Variants in TNC observed in about 807,000 individuals in gnomAD.
TNC encodes tenascin C, also known as tenascin.
In TNC, 109 loss-of-function variants were observed where a neutral mutation model predicts 202.4. The observed-to-expected ratio is 0.54, with a 90% CI of 0.46 to 0.63. The LOEUF (loss-of-function observed/expected upper bound fraction) is 0.63, where lower values mean the gene tolerates loss of function less well. Ranked by LOEUF, TNC falls within the 30% of genes least tolerant of loss-of-function variation. TNC has a pLI of 0.00. For synonymous variants in TNC, 1,007 were observed against 1,089.7 expected (o/e 0.92, Z 1.50); for missense variants, 2,756 against 2,833.3 (o/e 0.97, Z 0.62).
At chr9:115,034,795 A>G (rs753751299) in intron 22 of TNC, among the ~76,000 whole-genome samples, 2 of 152,246 alleles carry the variant, frequency 1.3e-5, no homozygotes, top group Non-Finnish European at 2.9e-5. Context: ...CTGGATAAAA[A>G]TGGTATTAAC....
At chr9:115,102,797 T>C (rs899742673) in intron 1 of TNC, among the ~76,000 whole-genome samples, 1 of 152,236 alleles carries the variant, frequency 6.6e-6, no homozygotes, top group Non-Finnish European at 1.5e-5. Context: ...TCTGAGACAT[T>C]CATCTCTGAA....
At chr9:115,071,465 A>C (rs1833463479) in intron 10 of TNC, among the ~76,000 whole-genome samples, 1 of 152,222 alleles carries the variant, frequency 6.6e-6, no homozygotes, top group Non-Finnish European at 1.5e-5. Flanking sequence ...AATTCTAGCT[A>C]GTAAATCTCC....
chr9:115,054,500 G>A (rs1831947356), intron 15 of TNC, among the ~76,000 whole-genome samples: 2 of 152,288 alleles, frequency 1.3e-5, no homozygotes, highest in African/African-American at 4.8e-5. Flanking sequence ...TGCATGCTGG[G>A]ATTCTTCTCA....
At chr9:115,047,500 G>T (rs1156597544) in intron 16 of TNC, among the ~76,000 whole-genome samples, 1 of 152,060 alleles carries the variant, frequency 6.6e-6, no homozygotes, top group African/African-American at 2.4e-5. Flanking sequence ...GGAAAATACT[G>T]CCTGGATAAG....
At chr9:115,103,503 G>A (rs1471619729) in intron 1 of TNC, among the ~76,000 whole-genome samples, 1 of 152,036 alleles carries the variant, frequency 6.6e-6, no homozygotes, top group Non-Finnish European at 1.5e-5. Flanking sequence ...GGAAGATCTG[G>A]AGGAGAAGCT....
intron 16 of TNC, among the ~76,000 whole-genome samples, chr9:115,047,704 C>T (rs1831311356): frequency 6.6e-6 from 1 of 152,012 alleles, no homozygotes; most frequent in South Asian, 2.1e-4. Context: ...TTGACTATTC[C>T]GTTGTTAATT....
At chr9:115,070,073 C>T (rs116266667) in intron 10 of TNC, among the ~76,000 whole-genome samples, 1,998 of 152,012 alleles carry the variant, frequency 0.013, 47 homozygotes, top group African/African-American at 0.045. Context: ...TGGGATTCAG[C>T]AGTGGATGAT....
rs1487059219 is a variant in TNC at position 115,073,982 on chromosome 9, G to A, written c.2951-116C>T. 3.8e-6 allele frequency: 4 copies of A among 1,049,926 alleles called. No individual in the cohort carries two copies. The African/African-American group carries it at 4.8e-5, about 13-fold the overall frequency. The allele number at this position is 1,049,926 out of a possible 1,614,324, so 65.0% of individuals were successfully genotyped here. On this transcript the variant is annotated intron_variant, in intron 9 of 27. Coordinates refer to ENST00000350763, the MANE Select transcript of TNC (RefSeq NM_002160.4). ...CTAGGTCTGCCACAGAGGAGCTGAG[G>A]GACCACAGGAGAGTCACATCTCTGG...
chr9:115,043,736 A>AAAACAAAC (rs3035491), intron 17 of TNC, among the ~76,000 whole-genome samples: 42 of 150,802 alleles, frequency 2.8e-4, no homozygotes, highest in Admixed American at 5.3e-4. Flanking sequence ...TAACTGGGAA[A>AAAACAAAC]AAACAAACAA....
At chr9:115,022,112 G>A (rs1210620027) in intron 27 of TNC, among the ~76,000 whole-genome samples, 2 of 152,214 alleles carry the variant, frequency 1.3e-5, no homozygotes, top group East Asian at 1.9e-4. Context: ...ACCCCACATG[G>A]CCCCTTGCCC....
chr9:115,048,328 T>C lies in TNC; in HGVS notation c.4784A>G (p.Tyr1595Cys). Residue 1595 changes from tyrosine to cysteine, a missense_variant, in exon 16 of 28, where the codon TAT becomes TGT. Physicochemically the swap from Tyr to Cys is radical, Grantham distance 194. Transcript: ENST00000350763. ...GGTGAAGCCAGAGACCATAACCTCA[T>C]AGCCAATGCCAGTTATGAGGCCTCT... ...ELRGLITGIGYEVMVSGFTQG... is the reference protein window; with the variant it reads ...ELRGLITGIGCEVMVSGFTQG... 3.1e-6 allele frequency: 5 copies of C among 1,614,074 alleles called. No individual in the cohort carries two copies. Among genetic ancestry groups the C allele is most frequent in the Non-Finnish European group, 4.2e-6 (5 of 1,179,956 alleles).
rs936352644 is a variant in TNC at position 115,118,043 on chromosome 9, G to A, written c.-198C>T. On this transcript the variant is annotated 5_prime_UTR_variant, in exon 1 of 28. Transcript: ENST00000350763. ...AGTACCTGGAGTGTGGAGCTGCGGC[G>A]GTTCCCACGTGCGCGTTCCCCCGAG... The A allele has an allele frequency of 6.6e-6, 1 of 152,214 alleles. No homozygotes were observed. The highest frequency in any genetic ancestry group is 2.4e-5 in the African/African-American group (1 of 41,456). The allele number at this position is 152,214 out of a possible 1,614,324, so 9.4% of individuals were successfully genotyped here. A position where few individuals can be genotyped will look rare whatever the true frequency, so the allele number is the denominator to read the frequency against.
At position 115,031,567 on chromosome 9, in the gene TNC, G is replaced by C. The variant is rs199684970; in HGVS notation, c.5906C>G (p.Thr1969Ser). ...GGCCTCCTTACTTGTGGTGAAGATG[G>C]TCTGGATCATATTGCTCCTCAGGGG... Reference protein sequence around the residue: ...NGPLRSNMIQTIFTTIGLLYP... With the variant: ...NGPLRSNMIQSIFTTIGLLYP... The change falls in exon 23 of 28, where the codon ACC becomes AGC. Residue 1969 changes from threonine (T) to serine (S), a missense_variant. Physicochemically the swap from Thr to Ser is moderately conservative, Grantham distance 58. Around this residue, in one of 2 missense-constraint regions of TNC, gnomAD observed 2,559 missense variants for 2,546.0 expected, o/e 1.01. Transcript: ENST00000350763. The C allele has an allele frequency of 1.3e-6, 2 of 1,593,286 alleles. No individual in the cohort carries two copies. Among genetic ancestry groups the C allele is most frequent in the South Asian group, 2.3e-5 (2 of 87,996 alleles).
chr9:115,070,987 C>T (rs1372572057), intron 10 of TNC, among the ~76,000 whole-genome samples: 1 of 152,184 alleles, frequency 6.6e-6, no homozygotes, highest in Non-Finnish European at 1.5e-5. Context: ...GAAGTTAGAT[C>T]CAGTGTCTCC....
chr9:115,046,088 T>C (rs1483934300), intron 17 of TNC, among the ~76,000 whole-genome samples: 1 of 151,944 alleles, frequency 6.6e-6, no homozygotes, highest in Non-Finnish European at 1.5e-5. Flanking sequence ...AAAAAGATGA[T>C]AATTGTAACG....
chr9:115,089,829 C>T (rs1332676158), intron 2 of TNC, among the ~76,000 whole-genome samples: 1 of 152,154 alleles, frequency 6.6e-6, no homozygotes, highest in Admixed American at 6.5e-5. Context: ...GCTCTTTGTG[C>T]CATCTTGTGC....
At chr9:115,085,790 C>A in intron 3 of TNC, 74 bp downstream of exon 3, 1 of 1,335,136 alleles carries the variant, frequency 7.5e-7, no homozygotes, top group Non-Finnish European at 1.0e-6. Flanking sequence ...TATATATAAA[C>A]GTAGTTTTCC....
Position 115,059,908 on chromosome 9 carries a change from G to T in TNC, c.4128C>A (p.His1376Gln), listed in dbSNP as rs1564452827. The T allele has an allele frequency of 6.2e-7, 1 of 1,614,144 alleles. No individual in the cohort carries two copies. Among genetic ancestry groups the T allele is most frequent in the South Asian group, 1.1e-5 (1 of 91,074 alleles). ...NWTAADNAYE[H>Q]FVIQVQEVNK... is the part of the protein sequence containing the mutation. ...TGACCTCCTGCACCTGAATGACAAA[G>T]TGCTCATAGGCATTGTCAGCTGCGG... Residue 1376 changes from histidine to glutamine, a missense_variant, in exon 14 of 28, where the codon CAC becomes CAA. Coordinates refer to ENST00000350763, the MANE Select transcript of TNC (RefSeq NM_002160.4).
intron 10 of TNC, among the ~76,000 whole-genome samples, chr9:115,073,181 A>C (rs181092980): frequency 7.2e-4 from 110 of 152,376 alleles, no homozygotes; most frequent in Middle Eastern, 6.8e-3. Context: ...ACAACAACAA[A>C]AAAAATATTA....
Sources: gnomAD v4.1 joint callset for allele counts (sites outside exome capture counted in the v4.1 genomes callset) on GRCh38, gnomAD v4.1.1 for gene constraint, gnomAD v4.1.1 regional missense constraint, MANE v1.5 for transcripts, NCBI Gene and HGNC (gene_info 2026-07-23, HGNC 2026-07-21) for gene names.